The following PACRG variants were observed in gnomAD, a reference collection of about 807,000 sequenced individuals.
The protein encoded by PACRG is parkin coregulated gene protein.
In PACRG, 29 loss-of-function variants were observed where a neutral mutation model predicts 29.7. That is an observed-to-expected ratio of 0.98 (90% CI 0.73 to 1.33). PACRG has a LOEUF of 1.33. Ranked by LOEUF, PACRG falls within the 40% of genes most tolerant of loss-of-function variation. PACRG has a pLI of 0.00. For synonymous variants in PACRG, 116 were observed against 118.7 expected, an observed-to-expected ratio of 0.98 and a Z score of 0.15; for missense variants, 279 against 316.2, an observed-to-expected ratio of 0.88 and a Z score of 0.89.
At chr6:162,808,302 T>C (rs576400624) in intron 1 of PACRG, among the ~76,000 whole-genome samples, 11 of 152,320 alleles carry the variant, frequency 7.2e-5, no homozygotes, top group Non-Finnish European at 1.6e-4. Context: ...GAATCAGAAT[T>C]TCAGATTGAA....
intron 2 of PACRG, among the ~76,000 whole-genome samples, chr6:163,039,951 G>A (rs1289352389): frequency 6.6e-6 from 1 of 152,224 alleles, no homozygotes; most frequent in African/African-American, 2.4e-5. Context: ...ATGTGCATAA[G>A]TAATGAGATG....
chr6:162,887,168 G>A (rs1794407311), intron 2 of PACRG, among the ~76,000 whole-genome samples: 1 of 152,178 alleles, frequency 6.6e-6, no homozygotes, highest in African/African-American at 2.4e-5. Flanking sequence ...GGCCAGGCTG[G>A]TCTTGAACTC....
chr6:162,958,884 TAGAGAGAGAG>T (rs200270873), intron 2 of PACRG, among the ~76,000 whole-genome samples: 128 of 21,014 alleles, frequency 6.1e-3, no homozygotes, highest in Admixed American at 7.0e-3. Flanking sequence ...TATATATATA[TAGAGAGAGAG>T]AGAGAGAGAG....
At chr6:163,187,346 C>G (rs1038634887) in intron 4 of PACRG, among the ~76,000 whole-genome samples, 1 of 152,154 alleles carries the variant, frequency 6.6e-6, no homozygotes, top group Admixed American at 6.5e-5. Flanking sequence ...TGCACCCAGG[C>G]CTGTGCAAGT....
At chr6:163,047,423 A>G (rs570761967) in intron 2 of PACRG, among the ~76,000 whole-genome samples, 1 of 152,222 alleles carries the variant, frequency 6.6e-6, no homozygotes, top group Non-Finnish European at 1.5e-5. Flanking sequence ...TCCTTTAACT[A>G]TATGACAAGA....
intron 2 of PACRG, among the ~76,000 whole-genome samples, chr6:162,983,629 T>C (rs1802621945): frequency 6.6e-6 from 1 of 152,068 alleles, no homozygotes; most frequent in Non-Finnish European, 1.5e-5. Flanking sequence ...AGGCTAAAGA[T>C]AGGACCCCAA....
At chr6:163,074,313 G>A (rs1486711483) in intron 3 of PACRG, among the ~76,000 whole-genome samples, 2 of 152,154 alleles carry the variant, frequency 1.3e-5, no homozygotes, top group Non-Finnish European at 2.9e-5. Flanking sequence ...AGTGAAATAA[G>A]CCAGGTGCAA....
chr6:163,165,987 A>G, intron 4 of PACRG: 2 of 413,930 alleles, frequency 4.8e-6, no homozygotes, highest in South Asian at 1.7e-5. Context: ...ATATAATACA[A>G]TTTCTCTTAT....
chr6:163,075,316 C>T (rs755970285), intron 3 of PACRG, among the ~76,000 whole-genome samples: 11 of 152,086 alleles, frequency 7.2e-5, no homozygotes, highest in Non-Finnish European at 1.5e-4. Context: ...GTTAGTTGTA[C>T]CAAACAGCTG....
At chr6:162,927,306 A>G (rs1027527082) in intron 2 of PACRG, among the ~76,000 whole-genome samples, 5 of 152,134 alleles carry the variant, frequency 3.3e-5, no homozygotes, top group Admixed American at 2.0e-4. Flanking sequence ...TGCTGGGTAT[A>G]TACCCAAAGG....
chr6:162,935,964 A>G (rs1466223697), intron 2 of PACRG, among the ~76,000 whole-genome samples: 4 of 152,182 alleles, frequency 2.6e-5, no homozygotes, highest in Non-Finnish European at 5.9e-5. Context: ...GTCTATTTTC[A>G]TGCTGCTGAT....
At chr6:162,789,911 C>A (rs939364419) in intron 1 of PACRG, among the ~76,000 whole-genome samples, 4 of 152,074 alleles carry the variant, frequency 2.6e-5, no homozygotes, top group African/African-American at 7.2e-5. Flanking sequence ...TGAATCATGT[C>A]GTCCAGGTCT....
intron 4 of PACRG, among the ~76,000 whole-genome samples, chr6:163,241,304 C>T (rs75926113): frequency 1.3e-5 from 2 of 152,186 alleles, no homozygotes; most frequent in East Asian, 3.9e-4. Flanking sequence ...AACAAAATCT[C>T]ATTTTTTTCT....
At chr6:163,008,863 A>G (rs1316065570) in intron 2 of PACRG, among the ~76,000 whole-genome samples, 1 of 151,774 alleles carries the variant, frequency 6.6e-6, no homozygotes. Context: ...GAAGCTTAGC[A>G]CTCCTGACCT....
chr6:163,280,537 T>A (rs947466973), intron 4 of PACRG, among the ~76,000 whole-genome samples: 1 of 152,204 alleles, frequency 6.6e-6, no homozygotes, highest in African/African-American at 2.4e-5. Context: ...GTTGTCTTAG[T>A]CTGCTCAGGC....
intron 2 of PACRG, among the ~76,000 whole-genome samples, chr6:163,010,256 C>T (rs184903711): frequency 9.2e-5 from 14 of 152,230 alleles, no homozygotes; most frequent in Admixed American, 2.6e-4. Flanking sequence ...TAAAGCAAAA[C>T]GCTAGATTCT....
intron 2 of PACRG, among the ~76,000 whole-genome samples, chr6:162,985,969 T>A (rs367800100): frequency 2.0e-5 from 2 of 99,746 alleles, no homozygotes; most frequent in African/African-American, 3.6e-5. Context: ...GCTGCAAAAA[T>A]AAAATAAAAT....
intron 1 of PACRG, among the ~76,000 whole-genome samples, chr6:162,756,698 ATTG>A (rs1367963567): frequency 4.0e-5 from 6 of 151,798 alleles, no homozygotes; most frequent in Non-Finnish European, 8.8e-5. Flanking sequence ...AATTTTTTTT[ATTG>A]TTGTTTTGTA....
chr6:163,192,831 C>T (rs1780275273), intron 4 of PACRG, among the ~76,000 whole-genome samples: 1 of 152,140 alleles, frequency 6.6e-6, no homozygotes, highest in South Asian at 2.1e-4. Context: ...AAGGGTTGGA[C>T]AGGTGCAGAC....
Sources: gnomAD v4.1 joint callset for allele counts (sites outside exome capture counted in the v4.1 genomes callset) on GRCh38, gnomAD v4.1.1 for gene constraint, MANE v1.5 for transcripts, NCBI Gene and HGNC (gene_info 2026-07-23, HGNC 2026-07-21) for gene names.